ANGPT4: variants seen among roughly 807,000 people sequenced by gnomAD.
The protein encoded by ANGPT4 is angiopoietin-4.
Under a neutral mutation model 53.0 loss-of-function variants are expected in ANGPT4, and 50 were observed. The observed-to-expected ratio is 0.94, with a 90% confidence interval of 0.75 to 1.20. ANGPT4 has a LOEUF of 1.20. Ranked by LOEUF, ANGPT4 falls within the 50% of genes most tolerant of loss-of-function variation. ANGPT4 has a pLI of 0.00. For synonymous variants in ANGPT4, 251 were observed against 259.7 expected (o/e 0.97, Z 0.32); for missense variants, 648 against 637.1 (o/e 1.02, Z -0.18).
chr20:889,919 C>T (rs1374821965), intron 2 of ANGPT4, among the ~76,000 whole-genome samples: 1 of 152,208 alleles, frequency 6.6e-6, no homozygotes, highest in East Asian at 1.9e-4. Flanking sequence ...TGTAAGTCCT[C>T]TGAGGGCAAG....
rs759073338 is a variant in ANGPT4 at position 885,135 on chromosome 20, G to A, written c.778C>T (p.Gln260Ter). Residue 260 changes from glutamine to a stop codon, truncating the protein, a stop_gained, in exon 4 of 9, where the codon CAG (glutamine) becomes TAG (stop). Coordinates refer to ENST00000381922, the MANE Select transcript of ANGPT4 (RefSeq NM_015985.4). LOFTEE classifies it high-confidence loss of function. The stretch of plus-strand genomic sequence containing the variant: ...AGGTGCCGCAACAACACCAGCAGCT[G>A]GCGCAGGCTGTGCTGCTGGTCCTGC... The part of the protein sequence containing the change: ...LLQDQQHSLR[Q>*]LLVLLRHLVQ... The A allele has an allele frequency of 5.0e-6, 8 of 1,612,728 alleles. No individual in the cohort carries two copies. In the Admixed American group the frequency reaches 6.7e-5, roughly 13 times the overall value.
At chr20:882,809 C>T (rs1981461928) in intron 4 of ANGPT4, among the ~76,000 whole-genome samples, 1 of 152,228 alleles carries the variant, frequency 6.6e-6, no homozygotes, top group African/African-American at 2.4e-5. Flanking sequence ...ATAACAATAA[C>T]AACAATAATA....
At position 874,275 on chromosome 20, in the gene ANGPT4, T is replaced by C. The variant is rs759220444; in HGVS notation, c.1351+9A>G. On this transcript the variant is annotated intron_variant, in intron 8 of 8. Coordinates refer to ENST00000381922, the MANE Select transcript of ANGPT4 (RefSeq NM_015985.4). ...GGGTGGGCGGAGCTTCACCCCACCC[T>C]GCACCTACCTCCAGACATCACTTGG... The C allele has an allele frequency of 1.9e-6, 3 of 1,613,902 alleles. No individual in the cohort carries two copies. Among genetic ancestry groups the C allele is most frequent in the Non-Finnish European group, 1.7e-6 (2 of 1,179,888 alleles).
chr20:872,789 AG>A lies in ANGPT4; in HGVS notation c.*170del. 1.4e-6 allele frequency: 1 copy of A among 715,508 alleles called. No homozygotes were observed. The highest frequency in any genetic ancestry group is 2.3e-6 in the Non-Finnish European group (1 of 436,350). 44.3% of individuals were successfully genotyped at this position (715,508 alleles called of 1,614,324 possible). ...ACCCTCCATGTCACAGACGGAGGGGAGTTGGGGGGCAGATGACCCTTCTGGA... is the reference window on the plus strand; with the variant it reads ...ACCCTCCATGTCACAGACGGAGGGGATTGGGGGGCAGATGACCCTTCTGGA... On this transcript the variant is annotated 3_prime_UTR_variant, in exon 9 of 9. Transcript: ENST00000381922.
In ANGPT4 at chr20:909,086, G is replaced by A. The variant is rs78508735; in HGVS notation, c.309+6820C>T. Reference sequence around the variant, plus strand: ...TTCTGGAGCCAGTCTGCCCGGGTACGAACTCACCTCCCTCACTTCTTAGCT... The same window carrying A: ...TTCTGGAGCCAGTCTGCCCGGGTACAAACTCACCTCCCTCACTTCTTAGCT... On this transcript the variant is annotated intron_variant, in intron 1 of 8. Coordinates refer to ENST00000381922, the MANE Select transcript of ANGPT4 (RefSeq NM_015985.4). Among the ~76,000 whole-genome samples the A allele has an allele frequency of 0.011, 1,742 of 152,182 alleles. 77 individuals are homozygous for A. In the East Asian group the frequency reaches 0.13, roughly 11 times the overall value.
chr20:888,195 C>A, intron 3 of ANGPT4, 123 bp downstream of exon 3: 1 of 1,336,718 alleles, frequency 7.5e-7, no homozygotes, highest in East Asian at 2.6e-5. Context: ...CACCAGCCCA[C>A]GTCCAGCTTC....
intron 1 of ANGPT4, among the ~76,000 whole-genome samples, chr20:909,996 C>T (rs915035563): frequency 6.6e-5 from 10 of 152,166 alleles, no homozygotes; most frequent in African/African-American, 2.4e-4. Context: ...TATGGATCTC[C>T]CCTTTGGGGA....
chr20:915,455 C>A (rs921770053), intron 1 of ANGPT4, among the ~76,000 whole-genome samples: 2 of 152,206 alleles, frequency 1.3e-5, no homozygotes, highest in Non-Finnish European at 2.9e-5. Flanking sequence ...TCTCTGGGTT[C>A]AAATGTCACC....
At chr20:873,351 C>A (rs1210466299) in intron 8 of ANGPT4, among the ~76,000 whole-genome samples, 1 of 152,098 alleles carries the variant, frequency 6.6e-6, no homozygotes, top group African/African-American at 2.4e-5. Flanking sequence ...ACTCCTCGAG[C>A]CCCCTTGCTC....
At chr20:900,649 G>A (rs1189085195) in intron 1 of ANGPT4, among the ~76,000 whole-genome samples, 1 of 152,142 alleles carries the variant, frequency 6.6e-6, no homozygotes, top group South Asian at 2.1e-4. Flanking sequence ...TAAAAAGACA[G>A]GAATAGGCCT....
chr20:888,532 G>C (rs1191557555), intron 2 of ANGPT4, 93 bp from the exon 3 acceptor site: 3 of 1,515,046 alleles, frequency 2.0e-6, no homozygotes, highest in Non-Finnish European at 2.6e-6. Context: ...TGCCACTCCA[G>C]AAACTTACCC....
rs2122740046 is a variant in ANGPT4 at position 870,725 on chromosome 20, A to G, written c.*2235T>C. ...CCTAGAAACTACAATAGAAAAATAA[A>G]TGATGTGGATACAAAAATAAAATGC... On this transcript the variant is annotated 3_prime_UTR_variant, in exon 9 of 9. Transcript: ENST00000381922. 6.6e-6 allele frequency: 1 copy of G among 152,316 alleles called. No homozygotes were observed. Among genetic ancestry groups the G allele is most frequent in the Middle Eastern group, 3.4e-3 (1 of 294 alleles). 9.4% of individuals were successfully genotyped at this position (152,316 alleles called of 1,614,324 possible).
At chr20:875,875 A>G (rs532050916) in intron 7 of ANGPT4, among the ~76,000 whole-genome samples, 11 of 152,248 alleles carry the variant, frequency 7.2e-5, no homozygotes, top group African/African-American at 2.6e-4. Flanking sequence ...CACGCCTGTA[A>G]TCCCCGCACT....
chr20:905,169 C>G (rs1015387933), intron 1 of ANGPT4, among the ~76,000 whole-genome samples: 3 of 152,204 alleles, frequency 2.0e-5, no homozygotes, highest in Non-Finnish European at 4.4e-5. Context: ...CCACTCTACT[C>G]CACCTGTTTA....
In ANGPT4 at chr20:897,456, C is replaced by T. The variant is rs1319329129; in HGVS notation, c.310-7088G>A. 2.0e-5 allele frequency among the ~76,000 whole-genome samples: 3 copies of T among 152,340 alleles called. No individual in the cohort carries two copies. In the East Asian group the frequency reaches 5.8e-4, roughly 29 times the overall value. On this transcript the variant is annotated intron_variant, in intron 1 of 8. Coordinates refer to ENST00000381922, the MANE Select transcript of ANGPT4 (RefSeq NM_015985.4). ...CCTTCCAATTCGGGTTCCTTTTTCTCTCTAGTAGAGACAAAGGAGACACAT... is the reference window on the plus strand; with the variant it reads ...CCTTCCAATTCGGGTTCCTTTTTCTTTCTAGTAGAGACAAAGGAGACACAT...
intron 1 of ANGPT4, among the ~76,000 whole-genome samples, chr20:896,062 A>G (rs551933638): frequency 6.6e-6 from 1 of 152,286 alleles, no homozygotes; most frequent in Non-Finnish European, 1.5e-5. Context: ...TACCTCAGTA[A>G]AAAACAACGC....
rs1982571674 is a variant in ANGPT4 at position 908,570 on chromosome 20, T to C, written c.309+7336A>G. On this transcript the variant is annotated intron_variant, in intron 1 of 8. Transcript: ENST00000381922. This position sits in a 1 kb window ranked among gnomAD's most constrained non-coding sequence, Gnocchi z 4.9. ...TTGATCGTTGCACATGGGAAATCAC[T>C]AGGTTAGTTACACCCACTGCTCCAG... Among the ~76,000 whole-genome samples the C allele has an allele frequency of 6.6e-6, 1 of 152,178 alleles. No individual in the cohort carries two copies. Among genetic ancestry groups the C allele is most frequent in the Non-Finnish European group, 1.5e-5 (1 of 68,020 alleles).
intron 1 of ANGPT4, among the ~76,000 whole-genome samples, chr20:907,289 T>C (rs1313982507): frequency 6.6e-6 from 1 of 152,060 alleles, no homozygotes; most frequent in African/African-American, 2.4e-5. Context: ...AGGTCCAGTG[T>C]TCATCCCAGG....
intron 6 of ANGPT4, among the ~76,000 whole-genome samples, chr20:879,355 C>T (rs1600043119): frequency 6.6e-6 from 1 of 152,116 alleles, no homozygotes; most frequent in Admixed American, 6.6e-5. Context: ...TGCAATTCCT[C>T]GTTAATGAAT....
Sources: gnomAD v4.1 joint callset for allele counts (sites outside exome capture counted in the v4.1 genomes callset) on GRCh38, gnomAD v4.1.1 for gene constraint, Gnocchi (gnomAD v3.1) non-coding constraint, MANE v1.5 for transcripts, NCBI Gene and HGNC (gene_info 2026-07-23, HGNC 2026-07-21) for gene names.